Variants in DNAH17 observed in about 807,000 individuals in gnomAD.
DNAH17 encodes dynein axonemal heavy chain 17.
Under a neutral mutation model 485.6 loss-of-function variants are expected in DNAH17, and 376 were observed. That is an observed-to-expected ratio of 0.77 (90% confidence interval 0.71 to 0.84). The LOEUF is 0.84. DNAH17 is among the 40% of genes least tolerant of loss of function. The probability of loss-of-function intolerance (pLI) is 0.00; values close to 1 mark genes in which losing one functional copy is unlikely to be tolerated. For missense variants in DNAH17, 6,370 were observed against 5,839.3 expected (o/e 1.09, Z -2.96); for synonymous variants, 3,031 against 2,405.9 (o/e 1.26, Z -7.60).
chr17:78,543,828 C>T (rs751506506), intron 17 of DNAH17, 29 bp downstream of exon 17: 3 of 1,613,808 alleles, frequency 1.9e-6, no homozygotes, highest in African/African-American at 2.7e-5. Context: ...CAAGTGGGTT[C>T]TCAAAAAACC....
In DNAH17 at chr17:78,572,963, G is replaced by A. The variant is rs1389870038; in HGVS notation, c.346-69C>T. On this transcript the variant is annotated intron_variant, in intron 2 of 80. Coordinates refer to ENST00000389840, the MANE Select transcript of DNAH17 (RefSeq NM_173628.4). The stretch of plus-strand genomic sequence containing the variant: ...CAGCTCGGCAACCGCACAGAGCCAG[G>A]TCCCCGGGGGGTTCCAAAGACCCGG... 9.1e-6 allele frequency: 13 copies of A among 1,425,286 alleles called. No homozygotes were observed. In the East Asian group the frequency reaches 2.4e-4, roughly 26 times the overall value. 88.3% of individuals were successfully genotyped at this position (1,425,286 alleles called of 1,614,324 possible).
intron 74 of DNAH17, among the ~76,000 whole-genome samples, chr17:78,436,717 T>C (rs2086859773): frequency 6.6e-6 from 1 of 152,006 alleles, no homozygotes; most frequent in Non-Finnish European, 1.5e-5. Flanking sequence ...TGGTGGTGCA[T>C]GCCTGTAATC....
chr17:78,439,290 C>T (rs1303055555), intron 72 of DNAH17, 73 bp from the exon 73 acceptor site: 4 of 1,483,356 alleles, frequency 2.7e-6, no homozygotes, highest in East Asian at 2.3e-5. Flanking sequence ...TGATCTACAG[C>T]CAGGAATTCC....
rs1253578760 is a variant in DNAH17, at chr17:78,432,518, G to A, written c.12225+1511C>T. On this transcript the variant is annotated intron_variant, in intron 75 of 80. Transcript: ENST00000389840. ...ACTCCAGGGCTGGTGTGCCTCCCAG[G>A]GAACTAAGCATACCAAGTTCCAGGC... 2.6e-5 allele frequency among the ~76,000 whole-genome samples: 4 copies of A among 152,202 alleles called. 1 individual carries two copies. Among genetic ancestry groups the A allele is most frequent in the South Asian group, 4.1e-4 (2 of 4,834 alleles).
chr17:78,513,991 C>G (rs781589998), intron 26 of DNAH17, among the ~76,000 whole-genome samples: 2 of 152,030 alleles, frequency 1.3e-5, no homozygotes, highest in Non-Finnish European at 2.9e-5. Flanking sequence ...TCCTGTTAGC[C>G]TTCTGGAGGT....
Position 78,537,383 on chromosome 17 carries a change from C to T in DNAH17, c.2775G>A (p.Leu925=). 3 of 1,612,702 alleles carry T rather than the reference C, an allele frequency of 1.9e-6. No homozygotes were observed. Among genetic ancestry groups the T allele is most frequent in the South Asian group, 1.1e-5 (1 of 90,854 alleles). The change falls in exon 19 of 81, where the codon CTG becomes CTA. Residue 925 remains leucine, a synonymous_variant. Transcript: ENST00000389840. ...TLEVGSDRGF[L]ALIEGLVNDI... ...CGTTGACCAGGCCCTCGATCAGTGC[C>T]AGGAAGCCGCGATCTGAGCCCACCT...
At chr17:78,563,772 CA>C (rs36122728) in intron 11 of DNAH17, among the ~76,000 whole-genome samples, 51,345 of 151,774 alleles carry the variant, frequency 0.34, 10,119 homozygotes, top group African/African-American at 0.55. Context: ...CTGGAAGGGA[CA>C]ACAAGGGAGA....
chr17:78,500,760 C>T (rs137997054), intron 35 of DNAH17: 81 of 227,398 alleles, frequency 3.6e-4, no homozygotes, highest in Middle Eastern at 1.5e-3. Context: ...CCACCCACCT[C>T]GGCCTCCCAA....
Position 78,560,728 on chromosome 17 carries a change from C to T in DNAH17, c.2031+12G>A. 1 of 1,545,194 alleles carries T rather than the reference C, an allele frequency of 6.5e-7. No homozygotes were observed. The highest frequency in any genetic ancestry group is 2.5e-5 in the East Asian group (1 of 40,792). Reference sequence around the variant, plus strand: ...AGGAGCCTTTGACGCGGTCCCCACTCCTGGCACCCACCGCTTTGCTGAAGT... The same window carrying T: ...AGGAGCCTTTGACGCGGTCCCCACTTCTGGCACCCACCGCTTTGCTGAAGT... On this transcript the variant is annotated intron_variant, in intron 13 of 80. Coordinates refer to ENST00000389840, the MANE Select transcript of DNAH17 (RefSeq NM_173628.4).
chr17:78,541,399 G>A (rs1411874906), intron 17 of DNAH17, among the ~76,000 whole-genome samples: 1 of 149,684 alleles, frequency 6.7e-6, no homozygotes, highest in African/African-American at 2.5e-5. Context: ...ATGGATGGAT[G>A]GGTGGATGGT....
At chr17:78,556,085 C>T (rs576491350) in intron 14 of DNAH17, among the ~76,000 whole-genome samples, 1 of 152,300 alleles carries the variant, frequency 6.6e-6, no homozygotes, top group South Asian at 2.1e-4. Flanking sequence ...ATGTCTATAT[C>T]TCTGTCTGTC....
intron 48 of DNAH17, among the ~76,000 whole-genome samples, chr17:78,483,544 C>T (rs933504591): frequency 1.5e-4 from 23 of 151,380 alleles, no homozygotes; most frequent in African/African-American, 4.6e-4. Flanking sequence ...GCAGGAGAAT[C>T]GCTGGAACCC....
chr17:78,476,136 C>T (rs1360497301), intron 52 of DNAH17, among the ~76,000 whole-genome samples: 1 of 152,184 alleles, frequency 6.6e-6, no homozygotes, highest in African/African-American at 2.4e-5. Flanking sequence ...GGCCTTTCTC[C>T]ACCCCAAGTG....
chr17:78,519,515 A>C (rs2090880562), intron 25 of DNAH17, among the ~76,000 whole-genome samples: 1 of 152,250 alleles, frequency 6.6e-6, no homozygotes, highest in Non-Finnish European at 1.5e-5. Context: ...TCTTTGAAAA[A>C]TCAATAAAGT....
intron 54 of DNAH17, 44 bp from the exon 55 acceptor site, chr17:78,468,927 G>C: frequency 6.3e-7 from 1 of 1,580,742 alleles, no homozygotes; most frequent in Non-Finnish European, 8.6e-7. Flanking sequence ...GTAAAAAGAT[G>C]CTCAATTAGA....
rs146367674 is a variant in DNAH17 at position 78,475,256 on chromosome 17, C to T, written c.8511+22G>A. ...CCCTGACCCTACCCTGAAAGGCAGC[C>T]TATTGAACAGTAAGCTCTCACCTTG... On this transcript the variant is annotated intron_variant, in intron 54 of 80. Transcript: ENST00000389840. 1,180 of 1,612,904 alleles carry T rather than the reference C, an allele frequency of 7.3e-4. 11 individuals are homozygous for T. The East Asian group carries it at 0.015, about 21-fold the overall frequency.
chr17:78,553,509 C>T (rs1000404174), intron 14 of DNAH17, among the ~76,000 whole-genome samples: 4 of 151,890 alleles, frequency 2.6e-5, no homozygotes, highest in Non-Finnish European at 5.9e-5. Context: ...ACTATGTTGG[C>T]CAGGCTGGTC....
chr17:78,474,208 G>A (rs377141378), intron 54 of DNAH17, among the ~76,000 whole-genome samples: 2 of 152,240 alleles, frequency 1.3e-5, no homozygotes, highest in Admixed American at 1.3e-4. Flanking sequence ...TGAGGGCCAC[G>A]TACTGCGGGA....
chr17:78,432,910 C>G lies in DNAH17; in HGVS notation c.12225+1119G>C, dbSNP rs867230120. The stretch of plus-strand genomic sequence containing the variant: ...GAGCAGGCTTCAAACGTGCCCCCCC[C>G]CCCCGACCCCGGTGCCAGCACCGTT... On this transcript the variant is annotated intron_variant, in intron 75 of 80. Transcript: ENST00000389840. Among the ~76,000 whole-genome samples, 219 of 124,068 alleles carry G rather than the reference C, an allele frequency of 1.8e-3. 40 individuals carry two copies. Among genetic ancestry groups the G allele is most frequent in the African/African-American group, 6.8e-3 (211 of 30,920 alleles). 81.4% of individuals were successfully genotyped at this position (124,068 alleles called of 152,430 possible).
Sources: allele counts gnomAD v4.1 joint callset (sites outside exome capture counted in the v4.1 genomes callset), GRCh38; gene constraint gnomAD v4.1.1; transcripts MANE v1.5; gene names NCBI Gene and HGNC (gene_info 2026-07-23, HGNC 2026-07-21).